Variants in ANKFN1 observed in about 807,000 individuals in gnomAD.
ANKFN1 encodes ankyrin repeat and fibronectin type-III domain-containing protein 1.
ANKFN1 carries 74 observed loss-of-function variants against 108.7 expected under a neutral mutation model. That is an observed-to-expected ratio of 0.68 (90% CI 0.56 to 0.83). ANKFN1 has a LOEUF of 0.83. ANKFN1 is among the 40% of genes least tolerant of loss of function. ANKFN1 has a pLI of 0.00. For missense variants in ANKFN1, 1,505 were observed against 1,382.3 expected, an observed-to-expected ratio of 1.09 and a Z score of -1.41; for synonymous variants, 547 against 516.2, an observed-to-expected ratio of 1.06 and a Z score of -0.81.
At chr17:56,132,320 G>T (rs1028740963) in intron 4 of ANKFN1, among the ~76,000 whole-genome samples, 4 of 152,088 alleles carry the variant, frequency 2.6e-5, no homozygotes, top group African/African-American at 9.7e-5. Context: ...GAGATCTCAG[G>T]TCTGTTTGAG....
intron 3 of ANKFN1, among the ~76,000 whole-genome samples, chr17:56,298,202 T>C (rs556581872): frequency 6.6e-6 from 1 of 152,202 alleles, no homozygotes; most frequent in African/African-American, 2.4e-5. Context: ...CCCAAATCAA[T>C]GGAAAATACA....
At position 56,364,941 on chromosome 17, in the gene ANKFN1, G is replaced by A. The variant is rs74578245; in HGVS notation, c.602-7705G>A. ...TGTAATAACAGCTTGAGACCTAAGT[G>A]AAGCCAAAATGAGTCTTGCGTCCTG... On this transcript the variant is annotated intron_variant, in intron 6 of 20. Transcript: ENST00000682825. Among the ~76,000 whole-genome samples the A allele has an allele frequency of 9.0e-3, 1,363 of 152,282 alleles. 8 individuals carry two copies. The highest frequency in any genetic ancestry group is 0.015 in the Non-Finnish European group (1,011 of 68,010).
upstream of ANKFN1, among the ~76,000 whole-genome samples, chr17:56,150,141 C>T (rs1330790340): frequency 1.3e-5 from 2 of 152,182 alleles, no homozygotes. Context: ...CACCTATGCA[C>T]ACACTGGAAA....
At chr17:56,279,507 C>T (rs2044016656) in intron 3 of ANKFN1, among the ~76,000 whole-genome samples, 1 of 152,186 alleles carries the variant, frequency 6.6e-6, no homozygotes, top group South Asian at 2.1e-4. Flanking sequence ...ATTGACAACA[C>T]AAAGACAGCT....
intron 4 of ANKFN1, among the ~76,000 whole-genome samples, chr17:56,056,853 G>C (rs957941075): frequency 2.0e-5 from 3 of 152,184 alleles, no homozygotes; most frequent in African/African-American, 7.2e-5. Flanking sequence ...AGTGAAGTTT[G>C]CTGCATTGTT....
chr17:56,065,566 A>G (rs1168411122), intron 4 of ANKFN1, among the ~76,000 whole-genome samples: 1 of 152,106 alleles, frequency 6.6e-6, no homozygotes, highest in African/African-American at 2.4e-5. Flanking sequence ...TTCTTCCTTT[A>G]TTTGAACACT....
At chr17:56,301,158 G>C (rs1308502589) in intron 3 of ANKFN1, among the ~76,000 whole-genome samples, 2 of 152,170 alleles carry the variant, frequency 1.3e-5, no homozygotes, top group Non-Finnish European at 2.9e-5. Context: ...CCACAGTGCA[G>C]GCAGAAATGT....
chr17:56,173,247 C>T (rs1189082674), intron 1 of ANKFN1, among the ~76,000 whole-genome samples: 2 of 152,212 alleles, frequency 1.3e-5, no homozygotes, highest in African/African-American at 4.8e-5. Flanking sequence ...TGCCACTTTG[C>T]CACCTGGCGG....
At chr17:56,157,534 C>CCT (rs1200029195) in intron 1 of ANKFN1, among the ~76,000 whole-genome samples, 1 of 152,202 alleles carries the variant, frequency 6.6e-6, no homozygotes, top group Non-Finnish European at 1.5e-5. Context: ...ACTCCTCCTT[C>CCT]CTCTCTCGAG....
At chr17:56,435,399 G>C (rs2048899231) in intron 8 of ANKFN1, among the ~76,000 whole-genome samples, 1 of 152,234 alleles carries the variant, frequency 6.6e-6, no homozygotes, top group Non-Finnish European at 1.5e-5. Flanking sequence ...CAATGTGTGA[G>C]ACATATTAAA....
chr17:56,218,545 G>A lies in ANKFN1; in HGVS notation c.12+5866G>A, dbSNP rs76849360. On this transcript the variant is annotated intron_variant, in intron 2 of 20. Coordinates refer to ENST00000682825, the MANE Select transcript of ANKFN1 (RefSeq NM_001370326.1). ...TGTACTTCAGCACATGCCCTGTCTC[G>A]GGGACTTCACACATGTTGTTTTCAG... 1.6e-4 allele frequency among the ~76,000 whole-genome samples: 25 copies of A among 151,986 alleles called. No individual in the cohort carries two copies. The East Asian group carries it at 3.7e-3, about 22-fold the overall frequency.
At chr17:56,250,273 A>G (rs1195571647) in intron 3 of ANKFN1, among the ~76,000 whole-genome samples, 1 of 152,210 alleles carries the variant, frequency 6.6e-6, no homozygotes, top group East Asian at 1.9e-4. Context: ...GTCCACTTCA[A>G]AATGCATGGC....
At chr17:56,156,965 C>T (rs1432793858) in intron 1 of ANKFN1, among the ~76,000 whole-genome samples, 1 of 149,416 alleles carries the variant, frequency 6.7e-6, no homozygotes. Flanking sequence ...TTGCCAGCCC[C>T]CCATCTACAC....
At chr17:56,377,151 A>G (rs1273157208) in intron 8 of ANKFN1, among the ~76,000 whole-genome samples, 1 of 152,218 alleles carries the variant, frequency 6.6e-6, no homozygotes, top group Non-Finnish European at 1.5e-5. Flanking sequence ...TTCTGGGTTC[A>G]GCAAAACCTC....
intron 4 of ANKFN1, among the ~76,000 whole-genome samples, chr17:56,329,016 G>A (rs1406663028): frequency 1.3e-5 from 2 of 152,176 alleles, no homozygotes; most frequent in East Asian, 1.9e-4. Flanking sequence ...ATACTTGGTT[G>A]TCCCCCACCA....
At chr17:56,157,922 C>G (rs1909265616) in intron 1 of ANKFN1, among the ~76,000 whole-genome samples, 1 of 152,232 alleles carries the variant, frequency 6.6e-6, no homozygotes, top group Non-Finnish European at 1.5e-5. Context: ...CTGGGTTACA[C>G]AGTTCTTCAA....
At chr17:56,151,670 A>C (rs1335430027), upstream of ANKFN1, among the ~76,000 whole-genome samples, 3 of 152,188 alleles carry the variant, frequency 2.0e-5, no homozygotes. Context: ...CTGGGGTTTC[A>C]TAGCCACAAT....
Position 56,510,803 on chromosome 17 carries a change from C to A in ANKFN1, c.2975C>A (p.Pro992His). 1 of 1,536,170 alleles carries A rather than the reference C, an allele frequency of 6.5e-7. No homozygotes were observed. The highest frequency in any genetic ancestry group is 8.7e-7 in the Non-Finnish European group (1 of 1,146,904). Residue 992 changes from proline to histidine, a missense_variant, in exon 21 of 21, where the codon CCC (proline) becomes CAC (histidine). Transcript: ENST00000682825. ...NHAKTVSGGR[P>H]PLGFLGKRKP... ...GCCAAGACTGTGTCCGGTGGGCGGCCCCCGCTAGGCTTCCTGGGAAAGCGG... is the reference window on the plus strand; with the variant it reads ...GCCAAGACTGTGTCCGGTGGGCGGCACCCGCTAGGCTTCCTGGGAAAGCGG...
intron 3 of ANKFN1, among the ~76,000 whole-genome samples, chr17:56,232,154 A>G (rs1480330624): frequency 6.6e-6 from 1 of 152,110 alleles, no homozygotes; most frequent in Non-Finnish European, 1.5e-5. Flanking sequence ...TTCCTTGTCC[A>G]GGCTAAACAT....
Sources: gnomAD v4.1 joint callset for allele counts (sites outside exome capture counted in the v4.1 genomes callset) on GRCh38, gnomAD v4.1.1 for gene constraint, MANE v1.5 for transcripts, NCBI Gene and HGNC (gene_info 2026-07-23, HGNC 2026-07-21) for gene names.